The following NYAP2 variants were observed in gnomAD, a reference collection of about 807,000 sequenced individuals.
NYAP2 encodes the protein neuronal tyrosine-phosphorylated phosphoinositide-3-kinase adapter 2.
NYAP2 carries 23 observed loss-of-function variants against 50.4 expected under a neutral mutation model. The observed-to-expected ratio is 0.46, with a 90% CI of 0.33 to 0.65. The LOEUF is 0.65. Ranked by LOEUF, NYAP2 falls within the 30% of genes least tolerant of loss-of-function variation. The pLI, the probability that NYAP2 is intolerant of heterozygous loss-of-function variation, is 0.02. For missense variants in NYAP2, 885 were observed against 861.0 expected, an observed-to-expected ratio of 1.03 and a Z score of -0.35; for synonymous variants, 394 against 365.2, an observed-to-expected ratio of 1.08 and a Z score of -0.90.
In NYAP2 at chr2:225,457,224, T is replaced by G. The variant is rs1481882749; in HGVS notation, c.221+48123T>G. Among the ~76,000 whole-genome samples, 4 of 152,338 alleles carry G rather than the reference T, an allele frequency of 2.6e-5. No individual in the cohort carries two copies. In the East Asian group the frequency reaches 7.7e-4, roughly 29 times the overall value. The stretch of plus-strand genomic sequence containing the variant: ...TCATGTGCCTGGTGTTGGTCTCTAC[T>G]CAGTTCTGAAACTAGTGCAGAATAG... On this transcript the variant is annotated intron_variant, in intron 3 of 6. Coordinates refer to ENST00000636099, the Ensembl canonical transcript of NYAP2.
chr2:225,446,210 CTGTCTG>C (rs1240256106), intron 3 of NYAP2, among the ~76,000 whole-genome samples: 17 of 60,384 alleles, frequency 2.8e-4, no homozygotes, highest in Admixed American at 7.1e-4. Context: ...GTCTGTCTGT[CTGTCTG>C]TCTCTCTCTC....
chr2:225,571,109 G>T (rs113992401), intron 4 of NYAP2, among the ~76,000 whole-genome samples: 8 of 152,216 alleles, frequency 5.3e-5, no homozygotes, highest in Non-Finnish European at 8.8e-5. Flanking sequence ...CAAGAATTGG[G>T]CTCCCATGGC....
chr2:225,647,557 A>G (rs1435638938), intron 6 of NYAP2, among the ~76,000 whole-genome samples: 7 of 152,078 alleles, frequency 4.6e-5, no homozygotes, highest in Non-Finnish European at 1.0e-4. Context: ...CATGGTAAGT[A>G]GGCGAGAGAG....
intron 4 of NYAP2, among the ~76,000 whole-genome samples, chr2:225,517,911 A>T (rs1372373845): frequency 6.6e-6 from 1 of 152,182 alleles, no homozygotes; most frequent in African/African-American, 2.4e-5. Context: ...CCATTAAGGA[A>T]TAGTGAACAG....
At chr2:225,513,951 A>G (rs554111063) in intron 4 of NYAP2, among the ~76,000 whole-genome samples, 1 of 152,370 alleles carries the variant, frequency 6.6e-6, no homozygotes, top group East Asian at 1.9e-4. Context: ...CCAGAAATAT[A>G]TCTAAAAGTT....
chr2:225,447,549 A>C (rs1443777176), intron 3 of NYAP2, among the ~76,000 whole-genome samples: 2 of 152,138 alleles, frequency 1.3e-5, no homozygotes, highest in African/African-American at 4.8e-5. Context: ...CTAGCACCAA[A>C]AAGGAAATAT....
intron 3 of NYAP2, among the ~76,000 whole-genome samples, chr2:225,509,143 C>T (rs1002385832): frequency 1.3e-5 from 2 of 152,174 alleles, no homozygotes; most frequent in African/African-American, 4.8e-5. Flanking sequence ...GAAACACTTC[C>T]ACTTGTCTCA....
chr2:225,441,603 A>G (rs1043585973), intron 3 of NYAP2, among the ~76,000 whole-genome samples: 1 of 152,172 alleles, frequency 6.6e-6, no homozygotes, highest in African/African-American at 2.4e-5. Context: ...ACAAGGCACG[A>G]TTTCAAAAGG....
chr2:225,500,285 A>C (rs1291284587), intron 3 of NYAP2, among the ~76,000 whole-genome samples: 1 of 152,240 alleles, frequency 6.6e-6, no homozygotes, highest in Non-Finnish European at 1.5e-5. Context: ...AGTTATCTTA[A>C]GAAGGGTAAG....
intron 4 of NYAP2, among the ~76,000 whole-genome samples, chr2:225,551,709 T>TA (rs1386293161): frequency 6.6e-6 from 1 of 152,322 alleles, no homozygotes; most frequent in Admixed American, 6.5e-5. Context: ...AAGAGGTTGA[T>TA]AAAAAAGGTA....
the NYAP2 span, among the ~76,000 whole-genome samples, chr2:225,688,120 AGCCAAAG>A: frequency 6.6e-6 from 1 of 152,190 alleles, no homozygotes; most frequent in Non-Finnish European, 1.5e-5. Flanking sequence ...TCTCAACTTC[AGCCAAAG>A]GGCCAAGGAT....
chr2:225,661,410 GT>G, the NYAP2 span, among the ~76,000 whole-genome samples: 1 of 152,068 alleles, frequency 6.6e-6, no homozygotes, highest in Non-Finnish European at 1.5e-5. Context: ...TATCCTTCAG[GT>G]TGAAAACACT....
At chr2:225,550,174 G>A (rs902355315) in intron 4 of NYAP2, among the ~76,000 whole-genome samples, 1 of 152,116 alleles carries the variant, frequency 6.6e-6, no homozygotes, top group Non-Finnish European at 1.5e-5. Flanking sequence ...ATTAAGATAT[G>A]GCGACCAGAA....
intron 3 of NYAP2, among the ~76,000 whole-genome samples, chr2:225,446,280 A>G (rs574480558): frequency 3.2e-4 from 43 of 133,512 alleles, no homozygotes; most frequent in African/African-American, 9.8e-4. Context: ...ATATATATAT[A>G]TGTGGAATTA....
chr2:225,407,091 G>C (rs113471245), intron 2 of NYAP2, among the ~76,000 whole-genome samples: 6 of 151,964 alleles, frequency 3.9e-5, no homozygotes, highest in Non-Finnish European at 7.4e-5. Flanking sequence ...ATTAATTGTC[G>C]TGAAGTTATG....
At chr2:225,508,117 T>G (rs1010069836) in intron 3 of NYAP2, among the ~76,000 whole-genome samples, 6 of 152,372 alleles carry the variant, frequency 3.9e-5, no homozygotes, top group African/African-American at 1.4e-4. Flanking sequence ...CTCACAACAT[T>G]GCCTTCATTA....
chr2:225,558,747 T>C (rs1474459624), intron 4 of NYAP2, among the ~76,000 whole-genome samples: 1 of 152,178 alleles, frequency 6.6e-6, no homozygotes, highest in Non-Finnish European at 1.5e-5. Context: ...CTATCTTCCA[T>C]AGCTTCTCTT....
At chr2:225,474,202 G>A (rs938229655) in intron 3 of NYAP2, among the ~76,000 whole-genome samples, 4 of 152,080 alleles carry the variant, frequency 2.6e-5, no homozygotes, top group African/African-American at 9.7e-5. Flanking sequence ...ATGCTGTTTT[G>A]GTTACTGTAG....
intron 3 of NYAP2, among the ~76,000 whole-genome samples, chr2:225,468,107 T>A (rs1689951526): frequency 6.6e-6 from 1 of 152,236 alleles, no homozygotes; most frequent in Non-Finnish European, 1.5e-5. Context: ...TACATTAGGA[T>A]GTTGAAGGCC....
Sources: gnomAD v4.1 joint callset for allele counts (sites outside exome capture counted in the v4.1 genomes callset) on GRCh38, gnomAD v4.1.1 for gene constraint, MANE v1.5 for transcripts, NCBI Gene and HGNC (gene_info 2026-07-23, HGNC 2026-07-21) for gene names.